Variants in CRPPA observed in about 807,000 individuals in gnomAD.
The protein encoded by CRPPA is CDP-L-ribitol pyrophosphorylase A, also known as D-ribitol-5-phosphate cytidylyltransferase.
In CRPPA, 43 loss-of-function variants were observed where a neutral mutation model predicts 52.0. That is an observed-to-expected ratio of 0.83 (90% confidence interval 0.65 to 1.07). The LOEUF (loss-of-function observed/expected upper bound fraction) is 1.07. CRPPA is among the 50% of genes least tolerant of loss of function. The pLI, the probability that CRPPA is intolerant of heterozygous loss-of-function variation, is 0.00. For synonymous variants in CRPPA, 250 were observed against 203.5 expected (o/e 1.23, Z -1.94); for missense variants, 629 against 551.7 (o/e 1.14, Z -1.40).
In CRPPA at chr7:16,208,757, G is replaced by T. The variant is rs192291262; in HGVS notation, c.1251+7309C>A. ...TATGTATGCCTGGGTAATTTTGAAGGATATCATCTCCAGGTATATGAATTC... is the reference window on the plus strand; with the variant it reads ...TATGTATGCCTGGGTAATTTTGAAGTATATCATCTCCAGGTATATGAATTC... On this transcript the variant is annotated intron_variant, in intron 9 of 9. Coordinates refer to ENST00000407010, the MANE Select transcript of CRPPA (RefSeq NM_001101426.4). 2.9e-3 allele frequency among the ~76,000 whole-genome samples: 441 copies of T among 152,232 alleles called. 9 individuals carry two copies. The highest frequency in any genetic ancestry group is 0.025 in the Admixed American group (376 of 15,288).
At chr7:16,285,817 G>C (rs1784414268) in intron 5 of CRPPA, among the ~76,000 whole-genome samples, 1 of 150,978 alleles carries the variant, frequency 6.6e-6, no homozygotes, top group Non-Finnish European at 1.5e-5. Context: ...GAGGTCAGGA[G>C]TACAAGACAA....
chr7:16,337,508 G>C (rs190352385), intron 3 of CRPPA, among the ~76,000 whole-genome samples: 99 of 151,942 alleles, frequency 6.5e-4, no homozygotes, highest in African/African-American at 2.3e-3. Context: ...TATCAAGGTA[G>C]ATCACAACCA....
intron 3 of CRPPA, among the ~76,000 whole-genome samples, chr7:16,344,832 A>T (rs1335106861): frequency 6.6e-6 from 1 of 152,092 alleles, no homozygotes; most frequent in Non-Finnish European, 1.5e-5. Context: ...AGAAGGACAA[A>T]AAAAAAAGAT....
chr7:16,382,737 T>C (rs1787143836), intron 2 of CRPPA, among the ~76,000 whole-genome samples: 2 of 152,034 alleles, frequency 1.3e-5, no homozygotes, highest in Admixed American at 6.6e-5. Context: ...TTCATTTCAT[T>C]CATTTCATCT....
At chr7:16,261,533 A>G (rs1783799894) in intron 6 of CRPPA, among the ~76,000 whole-genome samples, 1 of 151,748 alleles carries the variant, frequency 6.6e-6, no homozygotes, top group South Asian at 2.1e-4. Context: ...CCAATTCTAA[A>G]TTTTTCATTT....
chr7:16,292,795 G>A (rs1784589955), intron 5 of CRPPA, among the ~76,000 whole-genome samples: 1 of 151,862 alleles, frequency 6.6e-6, no homozygotes, highest in Non-Finnish European at 1.5e-5. Context: ...GCAAAATGAT[G>A]TATAAATCTC....
At chr7:16,286,068 T>TTAAAAAAAAAAAAA (rs1562608533) in intron 5 of CRPPA, among the ~76,000 whole-genome samples, 1 of 24,066 alleles carries the variant, frequency 4.2e-5, no homozygotes, top group African/African-American at 2.6e-4. Context: ...TATATATATA[T>TTAAAAAAAAAAAAA]ATATATATAT....
At chr7:16,228,147 T>C (rs1340162164) in intron 8 of CRPPA, among the ~76,000 whole-genome samples, 1 of 151,902 alleles carries the variant, frequency 6.6e-6, no homozygotes, top group Non-Finnish European at 1.5e-5. Context: ...CTTTGTAGTA[T>C]ATTTTGAAGT....
At chr7:16,297,258 G>T (rs576806212) in intron 5 of CRPPA, among the ~76,000 whole-genome samples, 1 of 152,296 alleles carries the variant, frequency 6.6e-6, no homozygotes, top group Admixed American at 6.5e-5. Flanking sequence ...TAAAGAATAA[G>T]TGAGATAACA....
At chr7:16,201,993 T>G (rs529527526) in intron 9 of CRPPA, among the ~76,000 whole-genome samples, 1 of 152,300 alleles carries the variant, frequency 6.6e-6, no homozygotes, top group East Asian at 1.9e-4. Context: ...AAGTTTGATG[T>G]TAGATTTAGA....
At chr7:16,365,844 C>T (rs1315508877) in intron 3 of CRPPA, among the ~76,000 whole-genome samples, 4 of 151,780 alleles carry the variant, frequency 2.6e-5, no homozygotes, top group African/African-American at 4.8e-5. Flanking sequence ...ATGTGTAAGA[C>T]CAAGAAAAAA....
At chr7:16,286,036 AAAATATAAATATAT>A (rs1562608291) in intron 5 of CRPPA, among the ~76,000 whole-genome samples, 196 of 18,774 alleles carry the variant, frequency 0.01, 2 homozygotes, top group African/African-American at 0.034. Flanking sequence ...AAAAAAAAAA[AAAATATAAATATAT>A]ATATATATAT....
At chr7:16,262,942 T>A (rs1783848399) in intron 6 of CRPPA, among the ~76,000 whole-genome samples, 1 of 152,208 alleles carries the variant, frequency 6.6e-6, no homozygotes, top group South Asian at 2.1e-4. Context: ...TTTGCTTATT[T>A]TCTATTGTTT....
At chr7:16,227,271 T>C (rs1290265437) in intron 8 of CRPPA, among the ~76,000 whole-genome samples, 1 of 151,920 alleles carries the variant, frequency 6.6e-6, no homozygotes, top group Non-Finnish European at 1.5e-5. Context: ...GGTTGGTAGA[T>C]GATACATTAG....
intron 4 of CRPPA, among the ~76,000 whole-genome samples, chr7:16,303,247 G>C (rs1311932687): frequency 6.6e-6 from 1 of 151,896 alleles, no homozygotes; most frequent in East Asian, 1.9e-4. Context: ...GTATAGTTTT[G>C]GTCCAGGATT....
At chr7:16,182,041 G>C (rs960051663) in intron 9 of CRPPA, among the ~76,000 whole-genome samples, 3 of 151,832 alleles carry the variant, frequency 2.0e-5, no homozygotes, top group African/African-American at 7.3e-5. Flanking sequence ...GTAATTGCTA[G>C]AAAGGTTAGT....
At chr7:16,414,705 A>G (rs1788154439) in intron 1 of CRPPA, among the ~76,000 whole-genome samples, 1 of 152,208 alleles carries the variant, frequency 6.6e-6, no homozygotes, top group East Asian at 1.9e-4. Context: ...GAAAACTAAG[A>G]TTCCCTTTAG....
chr7:16,342,778 A>T (rs368056200), intron 3 of CRPPA, among the ~76,000 whole-genome samples: 38,894 of 67,394 alleles, frequency 0.58, 10,795 homozygotes, highest in South Asian at 0.74. Flanking sequence ...AAAAAAAAAA[A>T]AAAAATATAT....
chr7:16,303,477 TAAAAAAAAAAAA>T lies in CRPPA; in HGVS notation c.790-2023_790-2012del, dbSNP rs545663821. On this transcript the variant is annotated intron_variant, in intron 4 of 9. Transcript: ENST00000407010. ...GTTTCTGTGTTGAGACATAAAATAG[TAAAAAAAAAAAA>T]AAAAAAAAAAAAAACTTTCAGAACA... Among the ~76,000 whole-genome samples, 265 of 44,978 alleles carry T rather than the reference TAAAAAAAAAAAA, an allele frequency of 5.9e-3. 9 individuals carry two copies. The highest frequency in any genetic ancestry group is 0.02 in the African/African-American group (243 of 12,080). The allele number at this position is 44,978 out of a possible 152,430, so 29.5% of individuals were successfully genotyped here. A position where few individuals can be genotyped will look rare whatever the true frequency, so the allele number is the denominator to read the frequency against.
Sources: gnomAD v4.1 joint callset for allele counts (sites outside exome capture counted in the v4.1 genomes callset) on GRCh38, gnomAD v4.1.1 for gene constraint, MANE v1.5 for transcripts, NCBI Gene and HGNC (gene_info 2026-07-23, HGNC 2026-07-21) for gene names.